Variants in ATXN1 observed in about 807,000 individuals in gnomAD.
ATXN1 encodes ataxin 1.
Under a neutral mutation model 56.4 loss-of-function variants are expected in ATXN1, and 8 were observed. The observed-to-expected ratio is 0.14, with a 90% confidence interval of 0.08 to 0.26. The LOEUF (loss-of-function observed/expected upper bound fraction) is 0.26. Ranked by LOEUF, ATXN1 falls within the 10% of genes least tolerant of loss-of-function variation. ATXN1 has a pLI of 1.00. For missense variants in ATXN1, 987 were observed against 1,106.5 expected (o/e 0.89, Z 1.53); for synonymous variants, 514 against 494.6 (o/e 1.04, Z -0.52).
rs555243038 is a variant in ATXN1 at position 16,306,753 on chromosome 6, T to C, written c.2024A>G (p.Lys675Arg). The C allele has an allele frequency of 2.5e-6, 4 of 1,613,958 alleles. No homozygotes were observed. Among genetic ancestry groups the C allele is most frequent in the South Asian group, 2.2e-5 (2 of 91,084 alleles). ...TSQLFDLPCS[K>R]LSVGDVCISL... ...GATGCAGACATCCCCAACTGAGAGT[T>C]TGGAACACGGCAAATCAAAGAGCTG... Residue 675 changes from lysine to arginine, a missense_variant, in exon 8 of 8, where the codon AAA (lysine) becomes AGA (arginine). Physicochemically the swap from Lys to Arg is conservative, Grantham distance 26. Coordinates refer to ENST00000436367, the MANE Select transcript of ATXN1 (RefSeq NM_001128164.2). This position sits in a 1 kb window ranked among gnomAD's most constrained non-coding sequence, Gnocchi z 5.2.
chr6:16,412,518 C>A (rs11759487), intron 6 of ATXN1, among the ~76,000 whole-genome samples: 1 of 152,242 alleles, frequency 6.6e-6, no homozygotes, highest in East Asian at 1.9e-4. Context: ...ATTCAAATAT[C>A]CATACAATTC....
intron 3 of ATXN1, among the ~76,000 whole-genome samples, chr6:16,630,296 G>C (rs932119218): frequency 6.6e-6 from 1 of 152,210 alleles, no homozygotes; most frequent in Non-Finnish European, 1.5e-5. Flanking sequence ...CCTCCTAGAG[G>C]AGGACACTAG....
intron 2 of ATXN1, among the ~76,000 whole-genome samples, chr6:16,677,359 A>T (rs1054786336): frequency 2.6e-5 from 4 of 152,172 alleles, no homozygotes; most frequent in African/African-American, 4.8e-5. Flanking sequence ...GAGGACAGGG[A>T]GGCATACAAA....
intron 4 of ATXN1, among the ~76,000 whole-genome samples, chr6:16,564,458 T>C (rs1413012550): frequency 6.6e-6 from 1 of 152,140 alleles, no homozygotes; most frequent in Non-Finnish European, 1.5e-5. Flanking sequence ...ACAACCCAAA[T>C]GTCCATCAAC....
intron 2 of ATXN1, among the ~76,000 whole-genome samples, chr6:16,724,733 A>C (rs1759813345): frequency 6.6e-6 from 1 of 152,230 alleles, no homozygotes; most frequent in Admixed American, 6.5e-5. Flanking sequence ...TGTTTGGTAA[A>C]GCTGATATAG....
intron 5 of ATXN1, among the ~76,000 whole-genome samples, chr6:16,489,852 G>A (rs957978767): frequency 6.6e-6 from 1 of 152,108 alleles, no homozygotes; most frequent in Non-Finnish European, 1.5e-5. Flanking sequence ...AATGGCTAGA[G>A]GGTCTTGTTA....
intron 4 of ATXN1, among the ~76,000 whole-genome samples, chr6:16,525,581 T>C (rs967916973): frequency 2.6e-5 from 4 of 152,032 alleles, no homozygotes; most frequent in African/African-American, 9.7e-5. Context: ...ACAAAAAAAG[T>C]AGTTAGAATA....
chr6:16,624,960 C>T (rs1018803706), intron 3 of ATXN1, among the ~76,000 whole-genome samples: 2 of 152,154 alleles, frequency 1.3e-5, no homozygotes, highest in South Asian at 2.1e-4. Flanking sequence ...TATCATTTGA[C>T]GTAATCTCTA....
chr6:16,595,489 TAAG>T (rs1438173884), intron 3 of ATXN1, among the ~76,000 whole-genome samples: 5 of 152,232 alleles, frequency 3.3e-5, no homozygotes, highest in Non-Finnish European at 7.3e-5. Context: ...GTTCAAATGT[TAAG>T]AAGTGTCAGG....
chr6:16,752,044 G>A (rs149427563), intron 2 of ATXN1, among the ~76,000 whole-genome samples: 103 of 152,254 alleles, frequency 6.8e-4, no homozygotes, highest in African/African-American at 2.3e-3. Context: ...GGTTGATTAC[G>A]GAGCTCCATG....
chr6:16,698,211 A>G (rs1759207439), intron 2 of ATXN1, among the ~76,000 whole-genome samples: 1 of 152,228 alleles, frequency 6.6e-6, no homozygotes, highest in African/African-American at 2.4e-5. Flanking sequence ...AGAACCTTCA[A>G]GTCTAAACAC....
chr6:16,541,022 ACTAAACCAGTGGTTT>A (rs1761704165), intron 4 of ATXN1, among the ~76,000 whole-genome samples: 2 of 152,236 alleles, frequency 1.3e-5, no homozygotes, highest in African/African-American at 4.8e-5. Flanking sequence ...GCTCATCGTA[ACTAAACCAGTGGTTT>A]AAAAAAAATT....
intron 2 of ATXN1, among the ~76,000 whole-genome samples, chr6:16,666,026 A>G (rs1055440762): frequency 6.6e-6 from 1 of 152,208 alleles, no homozygotes; most frequent in Non-Finnish European, 1.5e-5. Flanking sequence ...GAAATATACA[A>G]TAAGTTATTG....
chr6:16,608,773 T>C (rs1188820534), intron 3 of ATXN1, among the ~76,000 whole-genome samples: 1 of 152,228 alleles, frequency 6.6e-6, no homozygotes, highest in Non-Finnish European at 1.5e-5. Flanking sequence ...GCTTACAATA[T>C]ACAAAAGCTG....
At chr6:16,623,463 A>G (rs16878668) in intron 3 of ATXN1, among the ~76,000 whole-genome samples, 12,133 of 152,282 alleles carry the variant, frequency 0.08, 1,588 homozygotes, top group African/African-American at 0.27. Context: ...GAACAAATCC[A>G]GACTTGAAGA....
chr6:16,344,462 G>A (rs536693063), intron 6 of ATXN1, among the ~76,000 whole-genome samples: 8 of 152,326 alleles, frequency 5.3e-5, no homozygotes, highest in African/African-American at 1.7e-4. Flanking sequence ...AGCTGCCAGT[G>A]AGGCTAGAAT....
intron 2 of ATXN1, among the ~76,000 whole-genome samples, chr6:16,734,335 G>A (rs1055582087): frequency 2.6e-5 from 4 of 152,014 alleles, no homozygotes; most frequent in East Asian, 3.9e-4. Flanking sequence ...AGGAACGCTC[G>A]CCTTCACTTT....
intron 6 of ATXN1, among the ~76,000 whole-genome samples, chr6:16,380,415 G>C (rs1346133315): frequency 6.6e-6 from 1 of 151,358 alleles, no homozygotes; most frequent in Non-Finnish European, 1.5e-5. Context: ...GTGAGTTCCT[G>C]TGTCTGGATT....
rs375206330 is a variant in ATXN1, at chr6:16,736,126, A to G, written c.-615+17107T>C. ...GCTAAACTCCAGAATTCACTGATAC[A>G]TTAATAATGAAATGTATTCCTCTCT... is the stretch of plus-strand genomic sequence containing the variant. On this transcript the variant is annotated intron_variant, in intron 2 of 7. Coordinates refer to ENST00000436367, the MANE Select transcript of ATXN1 (RefSeq NM_001128164.2). Among the ~76,000 whole-genome samples, 450 of 152,356 alleles carry G rather than the reference A, an allele frequency of 3.0e-3. 2 individuals are homozygous for G. The highest frequency in any genetic ancestry group is 0.011 in the African/African-American group (437 of 41,586).
Sources: gnomAD v4.1 joint callset for allele counts (sites outside exome capture counted in the v4.1 genomes callset) on GRCh38, gnomAD v4.1.1 for gene constraint, Gnocchi (gnomAD v3.1) non-coding constraint, MANE v1.5 for transcripts, NCBI Gene and HGNC (gene_info 2026-07-23, HGNC 2026-07-21) for gene names.